The following TOP1 variants were observed in gnomAD, a reference collection of about 807,000 sequenced individuals.
TOP1 encodes the protein DNA topoisomerase I.
TOP1 carries 10 observed loss-of-function variants against 111.1 expected under a neutral mutation model. The observed-to-expected ratio is 0.09, with a 90% confidence interval of 0.06 to 0.15. The LOEUF is 0.15. TOP1 is among the 10% of genes least tolerant of loss of function. TOP1 has a pLI of 1.00. For synonymous variants in TOP1, 271 were observed against 302.9 expected (o/e 0.89, Z 1.10); for missense variants, 474 against 926.7 (o/e 0.51, Z 6.34).
intron 18 of TOP1, among the ~76,000 whole-genome samples, chr20:41,120,394 G>C (rs991391980): frequency 6.6e-6 from 1 of 152,220 alleles, no homozygotes; most frequent in Non-Finnish European, 1.5e-5. Flanking sequence ...GGTTCAGTGA[G>C]CAGCCCAGTG....
At chr20:41,091,137 T>C (rs1212857183) in intron 8 of TOP1, among the ~76,000 whole-genome samples, 1 of 152,240 alleles carries the variant, frequency 6.6e-6, no homozygotes. Context: ...ACATGTAATT[T>C]TTATTTGATG....
intron 8 of TOP1, among the ~76,000 whole-genome samples, chr20:41,087,327 T>G (rs1450773961): frequency 6.6e-6 from 1 of 152,248 alleles, no homozygotes; most frequent in Non-Finnish European, 1.5e-5. Context: ...CCATTGTAGC[T>G]GAACAGGGTT....
In TOP1 at chr20:41,029,381, G is replaced by T; in HGVS notation, c.34-50G>T. On this transcript the variant is annotated intron_variant, in intron 1 of 20. Transcript: ENST00000361337. The surrounding 1 kb of genome is among the most constrained non-coding windows in gnomAD (Gnocchi z 6.1). ...CCCCGGCCGCGCGCGCTCGCCGCCG[G>T]AGGGGTTAAAGTGGCTGTTGTTTGA... 1 of 1,434,350 alleles carries T rather than the reference G, an allele frequency of 7.0e-7. No individual in the cohort carries two copies. 88.9% of individuals were successfully genotyped at this position (1,434,350 alleles called of 1,614,324 possible).
In TOP1 at chr20:41,114,174, A is replaced by G; in HGVS notation, c.1638+19A>G. On this transcript the variant is annotated intron_variant, in intron 15 of 20. Transcript: ENST00000361337. This position sits in a 1 kb window ranked among gnomAD's most constrained non-coding sequence, Gnocchi z 4.5. ...GAAACGAGTAAGTTAATGTACCTGTACTGTCTGACTTGTTTTCCATTATTC... is the reference window on the plus strand; with the variant it reads ...GAAACGAGTAAGTTAATGTACCTGTGCTGTCTGACTTGTTTTCCATTATTC... 6.3e-7 allele frequency: 1 copy of G among 1,593,748 alleles called. No homozygotes were observed. Among genetic ancestry groups the G allele is most frequent in the South Asian group, 1.1e-5 (1 of 89,270 alleles).
rs2034056775 is a variant in TOP1 at position 41,101,085 on chromosome 20, T to C, written c.1164-124T>C. ...AAAACCATGCATAAGGTGGGACTAC[T>C]GTATTGACTGTTAAGAAGGAAACTT... is the stretch of plus-strand genomic sequence containing the variant. On this transcript the variant is annotated intron_variant, in intron 12 of 20. Coordinates refer to ENST00000361337, the MANE Select transcript of TOP1 (RefSeq NM_003286.4). The surrounding 1 kb of genome is among the most constrained non-coding windows in gnomAD (Gnocchi z 4.1). The C allele has an allele frequency of 5.3e-6, 5 of 947,804 alleles. No individual in the cohort carries two copies. Among genetic ancestry groups the C allele is most frequent in the Non-Finnish European group, 8.1e-6 (5 of 614,374 alleles). The allele number at this position is 947,804 out of a possible 1,614,324, so 58.7% of individuals were successfully genotyped here. A position where few individuals can be genotyped will look rare whatever the true frequency, so the allele number is the denominator to read the frequency against.
intron 3 of TOP1, among the ~76,000 whole-genome samples, chr20:41,073,589 A>C (rs925021869): frequency 2.6e-5 from 4 of 152,152 alleles, no homozygotes; most frequent in Non-Finnish European, 5.9e-5. Flanking sequence ...TGGAAATATA[A>C]GGGTATTGAT....
At chr20:41,036,387 T>G (rs896407102) in intron 2 of TOP1, among the ~76,000 whole-genome samples, 1 of 152,170 alleles carries the variant, frequency 6.6e-6, no homozygotes, top group African/African-American at 2.4e-5. Context: ...TCGAGATAAG[T>G]CCCTGTTCTT....
rs538791985 is a variant in TOP1 at position 41,100,546 on chromosome 20, T to C, written c.1163+303T>C. 1 of 269,186 alleles carries C rather than the reference T, an allele frequency of 3.7e-6. No individual in the cohort carries two copies. The highest frequency in any genetic ancestry group is 2.2e-5 in the African/African-American group (1 of 46,132). 16.7% of individuals were successfully genotyped at this position (269,186 alleles called of 1,614,324 possible). On this transcript the variant is annotated intron_variant, in intron 12 of 20. Coordinates refer to ENST00000361337, the MANE Select transcript of TOP1 (RefSeq NM_003286.4). The surrounding 1 kb of genome is among the most constrained non-coding windows in gnomAD (Gnocchi z 4.4). ...TAATGTCTTTTCCATGTTTATTAAG[T>C]ACTTATCACATAGAGTGGCTATAAC...
At chr20:41,055,128 C>A (rs992542383) in intron 2 of TOP1, among the ~76,000 whole-genome samples, 1 of 152,154 alleles carries the variant, frequency 6.6e-6, no homozygotes, top group African/African-American at 2.4e-5. Flanking sequence ...AGGGGGCTTC[C>A]TCCCATGTCT....
chr20:41,053,031 T>C (rs552573724), intron 2 of TOP1, among the ~76,000 whole-genome samples: 8 of 152,274 alleles, frequency 5.3e-5, no homozygotes, highest in African/African-American at 1.9e-4. Flanking sequence ...CACATGACTT[T>C]AGGGAGATAA....
intron 3 of TOP1, among the ~76,000 whole-genome samples, chr20:41,064,102 G>A (rs1358087847): frequency 1.3e-5 from 2 of 152,146 alleles, no homozygotes; most frequent in Non-Finnish European, 2.9e-5. Context: ...GTGTAAGGAA[G>A]GGGTCCAGTT....
In TOP1 at chr20:41,067,851, A is replaced by C. The variant is rs1403745114; in HGVS notation, c.155+6361A>C. ...ATGGGGCTATGGATCCACATCCCAG[A>C]AGATGCCATTTGGTTTCCTCTTTAT... On this transcript the variant is annotated intron_variant, in intron 3 of 20. Transcript: ENST00000361337. The surrounding 1 kb of genome is among the most constrained non-coding windows in gnomAD (Gnocchi z 4.0). 6.6e-6 allele frequency among the ~76,000 whole-genome samples: 1 copy of C among 152,212 alleles called. No individual in the cohort carries two copies. The highest frequency in any genetic ancestry group is 1.5e-5 in the Non-Finnish European group (1 of 68,032).
rs1213701588 is a variant in TOP1, at chr20:41,029,760, CTT to C, written c.58+306_58+307del. 6.2e-6 allele frequency: 3 copies of C among 482,796 alleles called. No individual in the cohort carries two copies. 29.9% of individuals were successfully genotyped at this position (482,796 alleles called of 1,614,324 possible). A position where few individuals can be genotyped will look rare whatever the true frequency, so the allele number is the denominator to read the frequency against. ...AAAGTCGCCTTGTCGACGGTCGGGA[CTT>C]AGTCTCTGCGCCATTTTCTTTTTCT... On this transcript the variant is annotated intron_variant, in intron 2 of 20. Coordinates refer to ENST00000361337, the MANE Select transcript of TOP1 (RefSeq NM_003286.4). This position sits in a 1 kb window ranked among gnomAD's most constrained non-coding sequence, Gnocchi z 6.1.
At position 41,100,947 on chromosome 20, in the gene TOP1, A is replaced by G. The variant is rs1338411749; in HGVS notation, c.1164-262A>G. ...TGGTTCACGCATCCCAGGTGGGACTACAAGAGATTTCATCATGCTCCTCAG... is the reference window on the plus strand; with the variant it reads ...TGGTTCACGCATCCCAGGTGGGACTGCAAGAGATTTCATCATGCTCCTCAG... On this transcript the variant is annotated intron_variant, in intron 12 of 20. Transcript: ENST00000361337. The surrounding 1 kb of genome is among the most constrained non-coding windows in gnomAD (Gnocchi z 4.4). Among the ~76,000 whole-genome samples the G allele has an allele frequency of 6.6e-6, 1 of 152,250 alleles. No homozygotes were observed. The highest frequency in any genetic ancestry group is 1.5e-5 in the Non-Finnish European group (1 of 68,040).
intron 18 of TOP1, among the ~76,000 whole-genome samples, chr20:41,119,193 T>A (rs2034381524): frequency 6.6e-6 from 1 of 152,274 alleles, no homozygotes; most frequent in African/African-American, 2.4e-5. Context: ...TCAATGATAC[T>A]TTAAGATTTC....
chr20:41,116,194 G>A lies in TOP1; in HGVS notation c.1708-84G>A, dbSNP rs2034327485. The A allele has an allele frequency of 1.2e-6, 1 of 815,090 alleles. No homozygotes were observed. Among genetic ancestry groups the A allele is most frequent in the Non-Finnish European group, 2.1e-6 (1 of 487,258 alleles). 50.5% of individuals were successfully genotyped at this position (815,090 alleles called of 1,614,324 possible). On this transcript the variant is annotated intron_variant, in intron 16 of 20. Coordinates refer to ENST00000361337, the MANE Select transcript of TOP1 (RefSeq NM_003286.4). This position sits in a 1 kb window ranked among gnomAD's most constrained non-coding sequence, Gnocchi z 5.6. Reference sequence around the variant, plus strand: ...CAATAAACTTGACAAGATTGTGACTGCACTGGCATAAATTACTCCTAGGGC... The same window carrying A: ...CAATAAACTTGACAAGATTGTGACTACACTGGCATAAATTACTCCTAGGGC...
intron 2 of TOP1, among the ~76,000 whole-genome samples, chr20:41,047,738 C>T (rs1413778718): frequency 2.0e-5 from 3 of 152,132 alleles, no homozygotes; most frequent in African/African-American, 7.2e-5. Context: ...GTACCTGGCC[C>T]TTCACAGAAA....
chr20:41,074,155 A>G (rs771882426), intron 3 of TOP1, among the ~76,000 whole-genome samples: 1 of 152,216 alleles, frequency 6.6e-6, no homozygotes, highest in Non-Finnish European at 1.5e-5. Context: ...ATGAGAACAG[A>G]TAATAGGAGT....
rs992869044 is a variant in TOP1, at chr20:41,078,840, C to G, written c.335+1203C>G. 6.6e-6 allele frequency among the ~76,000 whole-genome samples: 1 copy of G among 152,172 alleles called. No homozygotes were observed. Among genetic ancestry groups the G allele is most frequent in the African/African-American group, 2.4e-5 (1 of 41,444 alleles). On this transcript the variant is annotated intron_variant, in intron 5 of 20. Transcript: ENST00000361337. The surrounding 1 kb of genome is among the most constrained non-coding windows in gnomAD (Gnocchi z 5.3). ...ACTCCTTGCTGGCTTGTGTATATGT[C>G]TTTGTAGAGAATCCAGATGCTTCAC...
Sources: gnomAD v4.1 joint callset for allele counts (sites outside exome capture counted in the v4.1 genomes callset) on GRCh38, gnomAD v4.1.1 for gene constraint, Gnocchi (gnomAD v3.1) non-coding constraint, MANE v1.5 for transcripts, NCBI Gene and HGNC (gene_info 2026-07-23, HGNC 2026-07-21) for gene names.